Variants in BCAS3 observed in about 807,000 individuals in gnomAD.
The protein encoded by BCAS3 is BCAS4/BCAS3 fusion.
A neutral mutation model predicts 116.1 loss-of-function variants in BCAS3; 53 were observed. The observed-to-expected ratio is 0.46, with a 90% CI of 0.37 to 0.57. The LOEUF (loss-of-function observed/expected upper bound fraction) is 0.57, where lower values mean the gene tolerates loss of function less well. BCAS3 is among the 20% of genes least tolerant of loss of function. The pLI is 0.00. For synonymous variants in BCAS3, 391 were observed against 408.2 expected, an observed-to-expected ratio of 0.96 and a Z score of 0.51; for missense variants, 917 against 1,165.4, an observed-to-expected ratio of 0.79 and a Z score of 3.10.
intron 22 of BCAS3, among the ~76,000 whole-genome samples, chr17:61,297,427 T>C (rs1361562329): frequency 6.6e-6 from 1 of 152,016 alleles, no homozygotes; most frequent in Non-Finnish European, 1.5e-5. Flanking sequence ...GATCTAGTGG[T>C]GTGTGTGTAT....
chr17:60,699,609 T>C (rs941695718), intron 4 of BCAS3, among the ~76,000 whole-genome samples: 3 of 152,198 alleles, frequency 2.0e-5, no homozygotes, highest in African/African-American at 7.2e-5. Flanking sequence ...TATGGAATCA[T>C]GTACTATTAA....
At chr17:61,170,654 A>C (rs1461921172) in intron 22 of BCAS3, among the ~76,000 whole-genome samples, 1 of 152,186 alleles carries the variant, frequency 6.6e-6, no homozygotes, top group Non-Finnish European at 1.5e-5. Flanking sequence ...TATCCCTGAA[A>C]GATGGGAAAT....
chr17:61,035,133 G>A lies in BCAS3; in HGVS notation c.1762+343G>A, dbSNP rs1175616538. On this transcript the variant is annotated intron_variant, in intron 17 of 23. Transcript: ENST00000407086. ...TCTGTGAAGTACAGAGAGGAAAAGC[G>A]TCATTGTCCCTGTTTTAGAGATGAA... Among the ~76,000 whole-genome samples the A allele has an allele frequency of 3.3e-5, 5 of 152,082 alleles. No individual in the cohort carries two copies. The East Asian group carries it at 5.8e-4, about 18-fold the overall frequency.
intron 16 of BCAS3, among the ~76,000 whole-genome samples, chr17:61,031,222 T>C (rs2066613482): frequency 6.6e-6 from 1 of 151,844 alleles, no homozygotes; most frequent in Non-Finnish European, 1.5e-5. Flanking sequence ...CCTATGAGGG[T>C]TGGGTCAGCA....
intron 7 of BCAS3, among the ~76,000 whole-genome samples, chr17:60,827,903 T>A (rs1331926485): frequency 6.6e-6 from 1 of 152,170 alleles, no homozygotes; most frequent in Non-Finnish European, 1.5e-5. Flanking sequence ...AGGTATTGAG[T>A]TCAAAGTTGT....
rs371796652 is a variant in BCAS3 at position 61,141,845 on chromosome 17, G to A, written c.2425+57281G>A. Among the ~76,000 whole-genome samples, 1 of 148,942 alleles carries A rather than the reference G, an allele frequency of 6.7e-6. No homozygotes were observed. The highest frequency in any genetic ancestry group is 1.5e-5 in the Non-Finnish European group (1 of 67,634). On this transcript the variant is annotated intron_variant, in intron 22 of 23. Coordinates refer to ENST00000407086, the MANE Select transcript of BCAS3 (RefSeq NM_017679.5). The surrounding 1 kb of genome is among the most constrained non-coding windows in gnomAD (Gnocchi z 4.3). The stretch of plus-strand genomic sequence containing the variant: ...GAACCCAGGAGGCGGAGGTTGCAGT[G>A]AGCCGAGATCGCGCCACTGCACTCC...
intron 11 of BCAS3, among the ~76,000 whole-genome samples, chr17:60,907,264 A>G (rs1197089627): frequency 6.6e-6 from 1 of 152,180 alleles, no homozygotes; most frequent in African/African-American, 2.4e-5. Flanking sequence ...AAATTGTTCA[A>G]ATGAGATTAT....
intron 22 of BCAS3, among the ~76,000 whole-genome samples, chr17:61,218,438 A>T (rs1401584604): frequency 2.0e-5 from 3 of 152,228 alleles, no homozygotes; most frequent in African/African-American, 7.2e-5. Context: ...GGCATCAGTT[A>T]AATTTCATGT....
At chr17:60,723,711 CTTTTTTT>C (rs549083159) in intron 5 of BCAS3, among the ~76,000 whole-genome samples, 107 of 88,888 alleles carry the variant, frequency 1.2e-3, no homozygotes, top group Non-Finnish European at 1.8e-3. Flanking sequence ...CACTTTCTTT[CTTTTTTT>C]TTTTTTTTTT....
intron 22 of BCAS3, among the ~76,000 whole-genome samples, chr17:61,329,337 A>ATTTTTTTTTT (rs199782162): frequency 9.4e-6 from 1 of 106,226 alleles, no homozygotes; most frequent in Non-Finnish European, 2.2e-5. Context: ...TATTATTATT[A>ATTTTTTTTTT]TTATTATTTT....
At chr17:60,755,160 A>C (rs2042883270) in intron 6 of BCAS3, among the ~76,000 whole-genome samples, 1 of 152,128 alleles carries the variant, frequency 6.6e-6, no homozygotes, top group African/African-American at 2.4e-5. Flanking sequence ...TCATGGTTTT[A>C]GGTATAGGAA....
chr17:61,024,829 C>T (rs1438088735), intron 16 of BCAS3, among the ~76,000 whole-genome samples: 1 of 151,756 alleles, frequency 6.6e-6, no homozygotes, highest in Non-Finnish European at 1.5e-5. Context: ...GTTTTTGCAG[C>T]CAATGGAAAA....
chr17:61,292,286 A>G (rs1224935574), intron 22 of BCAS3, among the ~76,000 whole-genome samples: 1 of 152,026 alleles, frequency 6.6e-6, no homozygotes, highest in Non-Finnish European at 1.5e-5. Flanking sequence ...CAGCTCTTGT[A>G]TTTTTCTTTT....
At chr17:61,006,467 G>C (rs892424090) in intron 15 of BCAS3, among the ~76,000 whole-genome samples, 3 of 152,014 alleles carry the variant, frequency 2.0e-5, no homozygotes, top group Non-Finnish European at 4.4e-5. Flanking sequence ...CAAGAAGATA[G>C]GATTCTATAT....
chr17:60,679,413 G>C (rs1451129640), intron 1 of BCAS3, 40 bp from the exon 2 acceptor site: 1 of 1,487,628 alleles, frequency 6.7e-7, no homozygotes, highest in Non-Finnish European at 9.4e-7. Flanking sequence ...AACGATCCAT[G>C]TTTTTCTGTT....
intron 22 of BCAS3, among the ~76,000 whole-genome samples, chr17:61,320,554 C>A (rs1156345243): frequency 6.6e-6 from 1 of 151,776 alleles, no homozygotes; most frequent in African/African-American, 2.4e-5. Context: ...TGGTGGCGGG[C>A]GCCTGTACCT....
intron 6 of BCAS3, among the ~76,000 whole-genome samples, chr17:60,776,193 A>G (rs1251636532): frequency 6.6e-6 from 1 of 152,204 alleles, no homozygotes; most frequent in Admixed American, 6.5e-5. Flanking sequence ...TCATCATAAC[A>G]GTATTGACTC....
intron 23 of BCAS3, chr17:61,384,256 C>G (rs2059741564): frequency 6.6e-6 from 1 of 152,334 alleles, no homozygotes; most frequent in South Asian, 2.1e-4. Flanking sequence ...GTAGCTGGAG[C>G]TAGGAGAGAC....
chr17:60,849,281 C>CTT lies in BCAS3; in HGVS notation c.477-19282_477-19281dup, dbSNP rs201004782. Among the ~76,000 whole-genome samples the CTT allele has an allele frequency of 3.6e-5, 5 of 139,956 alleles. No individual in the cohort carries two copies. The South Asian group carries it at 6.9e-4, about 19-fold the overall frequency. The allele number at this position is 139,956 out of a possible 152,430, so 91.8% of individuals were successfully genotyped here. A position where few individuals can be genotyped will look rare whatever the true frequency, so the allele number is the denominator to read the frequency against. On this transcript the variant is annotated intron_variant, in intron 7 of 23. Coordinates refer to ENST00000407086, the MANE Select transcript of BCAS3 (RefSeq NM_017679.5). ...ACAAACTGAATCTCTGTGTTCAGTT[C>CTT]TTTTTTTTTTTTTTAATCTGCTGTC...
Sources: gnomAD v4.1 joint callset for allele counts (sites outside exome capture counted in the v4.1 genomes callset) on GRCh38, gnomAD v4.1.1 for gene constraint, Gnocchi (gnomAD v3.1) non-coding constraint, MANE v1.5 for transcripts, NCBI Gene and HGNC (gene_info 2026-07-23, HGNC 2026-07-21) for gene names.